The following BCORL1 variants were observed in gnomAD, a reference collection of about 807,000 sequenced individuals.
BCORL1 encodes BCL-6 corepressor-like protein 1.
In BCORL1, 7 loss-of-function variants were observed where a neutral mutation model predicts 87.6. The ratio of observed to expected loss-of-function variants is 0.08; its 90% CI spans 0.05 to 0.15. BCORL1 has a LOEUF of 0.15. Ranked by LOEUF, BCORL1 falls within the 10% of genes least tolerant of loss-of-function variation. BCORL1 has a pLI of 1.00. For missense variants in BCORL1, 1,215 were observed against 1,499.7 expected (o/e 0.81, Z 3.13); for synonymous variants, 591 against 634.4 (o/e 0.93, Z 1.03).
In BCORL1 at chrX:130,056,147, A is replaced by G; in HGVS notation, c.*11A>G. The G allele has an allele frequency of 2.6e-6, 3 of 1,156,067 alleles. No homozygotes were observed. Among genetic ancestry groups the G allele is most frequent in the Non-Finnish European group, 3.5e-6 (3 of 866,537 alleles). On this transcript the variant is annotated 3_prime_UTR_variant, in exon 14 of 14. Transcript: ENST00000540052. ...TCTTGCAACAGTTGACCGGGAAAAC[A>G]GCCCCTCCTCTTCTTTCTCCTTCCG...
chrX:130,024,363 G>A (rs1057077420), intron 6 of BCORL1, among the ~76,000 whole-genome samples: 1 of 111,088 alleles, frequency 9.0e-6, no homozygotes. Flanking sequence ...GGAAGTGGGC[G>A]TGCCTGGGTG....
At chrX:130,048,394 G>C (rs1007900397) in intron 11 of BCORL1, among the ~76,000 whole-genome samples, 5 of 111,896 alleles carry the variant, frequency 4.5e-5, no homozygotes, top group African/African-American at 1.6e-4. Flanking sequence ...AGGGCTGGTG[G>C]CAATCATACA....
At chrX:130,055,465 C>T (rs756553310) in intron 13 of BCORL1, among the ~76,000 whole-genome samples, 16 of 112,518 alleles carry the variant, frequency 1.4e-4, no homozygotes, top group African/African-American at 5.1e-4. Context: ...GGGCGGGAGT[C>T]GGAGGAAAGA....
Position 130,037,525 on chromosome X carries a change from C to A in BCORL1, c.4686C>A (p.Asp1562Glu). 1 of 1,205,256 alleles carries A rather than the reference C, an allele frequency of 8.3e-7. No individual in the cohort carries two copies. The highest frequency in any genetic ancestry group is 1.1e-6 in the Non-Finnish European group (1 of 891,471). ...HGANVNCSAQ[D>E]GTRPVHDAVV... ...CCAACGTGAACTGCAGTGCGCAGGA[C>A]GGCACGAGGCAAGAGGGCTGCATCT... is the stretch of plus-strand genomic sequence containing the variant. Residue 1562 changes from aspartate (D) to glutamate (E), a missense_variant, in exon 10 of 14, where the codon GAC becomes GAA. Around this residue, in one of 5 missense-constraint regions of BCORL1, gnomAD observed 55 missense variants for 115.1 expected, o/e 0.48. Coordinates refer to ENST00000540052, the MANE Select transcript of BCORL1 (RefSeq NM_001379451.1).
At position 130,047,312 on chromosome X, in the gene BCORL1, C is replaced by T. The variant is rs138833292; in HGVS notation, c.4841-3405C>T. 4.1e-3 allele frequency among the ~76,000 whole-genome samples: 458 copies of T among 110,842 alleles called. 5 individuals carry two copies. Among genetic ancestry groups the T allele is most frequent in the African/African-American group, 0.014 (417 of 30,405 alleles). On this transcript the variant is annotated intron_variant, in intron 11 of 13. Coordinates refer to ENST00000540052, the MANE Select transcript of BCORL1 (RefSeq NM_001379451.1). ...AAGGATAAGAGAAAAGGGCTGGAAG[C>T]GTGGCTGGGGTGGAGGGAATCAAGG...
At chrX:129,999,397 C>T (rs567921321) in intron 1 of BCORL1, among the ~76,000 whole-genome samples, 96 of 101,613 alleles carry the variant, frequency 9.4e-4, no homozygotes, top group South Asian at 3.7e-3. Context: ...CAACCTCTGC[C>T]TCCCGGGCTC....
In BCORL1 at chrX:130,037,469, G is replaced by A. The variant is rs200861335; in HGVS notation, c.4630G>A (p.Asp1544Asn). The change falls in exon 10 of 14, where the codon GAC (aspartate) becomes AAC (asparagine). Residue 1544 changes from aspartate to asparagine, a missense_variant. Transcript: ENST00000540052. ...LHEACSRGWT[D>N]ILNILLEHGA... ...TGAGGCTTGTTCCCGGGGCTGGACC[G>A]ACATCCTGAACATCCTGCTGGAGCA... The A allele has an allele frequency of 5.0e-5, 60 of 1,209,941 alleles. No homozygotes were observed. The highest frequency in any genetic ancestry group is 6.0e-5 in the Non-Finnish European group (54 of 895,218).
chrX:129,981,025 G>A (rs1459230368), upstream of BCORL1: 1 of 111,335 alleles, frequency 9.0e-6, no homozygotes, highest in African/African-American at 3.3e-5. Context: ...GCGGCGGCGC[G>A]GCGGCAGCGA....
chrX:130,005,371 C>A, intron 2 of BCORL1, 54 bp downstream of exon 2: 1 of 1,056,205 alleles, frequency 9.5e-7, no homozygotes, highest in Non-Finnish European at 1.3e-6. Flanking sequence ...AGTACCTCGT[C>A]ACCAGAGGGA....
Position 130,016,208 on chromosome X carries a change from C to T in BCORL1, c.3436C>T (p.Pro1146Ser). 1.7e-6 allele frequency: 2 copies of T among 1,197,267 alleles called. No individual in the cohort carries two copies. The highest frequency in any genetic ancestry group is 3.0e-5 in the East Asian group (1 of 33,117). Residue 1146 changes from proline to serine, a missense_variant, in exon 4 of 14, where the codon CCC becomes TCC. Coordinates refer to ENST00000540052, the MANE Select transcript of BCORL1 (RefSeq NM_001379451.1). ...AKAVVRSSHR[P>S]KCRKLPSDPQ... ...GGCCGTGGTCCGGAGTTCCCACAGA[C>T]CCAAGGTGAGTGCTGAGCTAAGGTC...
At chrX:130,017,151 A>G (rs999046886) in intron 4 of BCORL1, among the ~76,000 whole-genome samples, 3 of 110,927 alleles carry the variant, frequency 2.7e-5, no homozygotes, top group Admixed American at 9.6e-5. Flanking sequence ...CCCTGTTCCC[A>G]GAAATGTGAC....
chrX:130,011,774 C>T (rs1034630509), intron 2 of BCORL1, among the ~76,000 whole-genome samples: 7 of 108,754 alleles, frequency 6.4e-5, no homozygotes, highest in Admixed American at 2.0e-4. Flanking sequence ...TGAGGCTTTT[C>T]GGACAGGAGA....
rs760396977 is a variant in BCORL1, at chrX:130,013,379, A to G, written c.607A>G (p.Ile203Val). The part of the protein sequence containing the change: ...TTNFSPLPAP[I>V]CPPAPGSASV... ...TAACTTCAGTCCTCTGCCAGCCCCT[A>G]TCTGTCCCCCTGCTCCCGGTTCGGC... Residue 203 changes from isoleucine (I) to valine (V), a missense_variant, in exon 4 of 14, where the codon ATC (isoleucine) becomes GTC (valine). By Grantham distance (29) the Ile-to-Val change is conservative (BLOSUM62 3). Coordinates refer to ENST00000540052, the MANE Select transcript of BCORL1 (RefSeq NM_001379451.1). The G allele has an allele frequency of 9.1e-6, 11 of 1,210,323 alleles. No homozygotes were observed. The highest frequency in any genetic ancestry group is 8.7e-5 in the African/African-American group (5 of 57,506).
At position 130,024,852 on chromosome X, in the gene BCORL1, C is replaced by T. The variant is rs61494890; in HGVS notation, c.3689-138C>T. Reference sequence around the variant, plus strand: ...GGAGACTGCACTGAAGGAACTTTCCCGAACGGTACAGCTAATAACTGGCAG... The same window carrying T: ...GGAGACTGCACTGAAGGAACTTTCCTGAACGGTACAGCTAATAACTGGCAG... On this transcript the variant is annotated intron_variant, in intron 6 of 13. Coordinates refer to ENST00000540052, the MANE Select transcript of BCORL1 (RefSeq NM_001379451.1). 0.013 allele frequency: 11,867 copies of T among 932,542 alleles called. 815 individuals are homozygous for T. The African/African-American group carries it at 0.2, about 16-fold the overall frequency. 76.9% of individuals were successfully genotyped at this position (932,542 alleles called of 1,213,427 possible). A position where few individuals can be genotyped will look rare whatever the true frequency, so the allele number is the denominator to read the frequency against.
Position 130,014,423 on chromosome X carries a change from A to G in BCORL1, c.1651A>G (p.Thr551Ala), listed in dbSNP as rs1471893120. 1 of 1,210,136 alleles carries G rather than the reference A, an allele frequency of 8.3e-7. No homozygotes were observed. Among genetic ancestry groups the G allele is most frequent in the Non-Finnish European group, 1.1e-6 (1 of 895,025 alleles). ...TGGGGTCCCTGGGCCTTTGGCAGAT[A>G]CCTCCCTTGTTACTGCTTCTGCCAA... ...PDGVPGPLADTSLVTASAKVL... is the reference protein window; with the variant it reads ...PDGVPGPLADASLVTASAKVL... The change falls in exon 4 of 14, where the codon ACC (threonine) becomes GCC (alanine). Residue 551 changes from threonine to alanine, a missense_variant. Thr to Ala is a moderately conservative substitution (Grantham distance 58, BLOSUM62 0). Around this residue, in one of 5 missense-constraint regions of BCORL1, gnomAD observed 861 missense variants for 1,010.0 expected, o/e 0.85. Coordinates refer to ENST00000540052, the MANE Select transcript of BCORL1 (RefSeq NM_001379451.1).
At chrX:130,054,175 A>G (rs892084818) in intron 13 of BCORL1, among the ~76,000 whole-genome samples, 1 of 112,445 alleles carries the variant, frequency 8.9e-6, no homozygotes, top group East Asian at 2.8e-4. Context: ...CAGATTTATT[A>G]TAAAAAACTC....
chrX:130,028,362 T>G (rs1274911841), intron 7 of BCORL1, among the ~76,000 whole-genome samples: 2 of 110,865 alleles, frequency 1.8e-5, no homozygotes, highest in Non-Finnish European at 3.8e-5. Context: ...ACCCTTATCT[T>G]AGGGCTAGCC....
intron 7 of BCORL1, 58 bp downstream of exon 7, chrX:130,025,437 C>T (rs959262149): frequency 2.1e-5 from 22 of 1,064,689 alleles, no homozygotes; most frequent in Admixed American, 3.1e-5. Context: ...TGGGAACCCT[C>T]GGGCATCTCT....
At chrX:130,034,790 C>A (rs1312816864) in intron 9 of BCORL1, 114 bp downstream of exon 9, 1 of 486,084 alleles carries the variant, frequency 2.1e-6, no homozygotes, top group Admixed American at 3.9e-5. Flanking sequence ...CTCTACACCC[C>A]AGATTGCCCT....
Sources: gnomAD v4.1 joint callset for allele counts (sites outside exome capture counted in the v4.1 genomes callset) on GRCh38, gnomAD v4.1.1 for gene constraint, gnomAD v4.1.1 regional missense constraint, MANE v1.5 for transcripts, NCBI Gene and HGNC (gene_info 2026-07-23, HGNC 2026-07-21) for gene names.